GRXCR2: variants seen among roughly 807,000 people sequenced by gnomAD.
GRXCR2 encodes the protein glutaredoxin and cysteine rich domain containing 2.
Under a neutral mutation model 24.8 loss-of-function variants are expected in GRXCR2, and 23 were observed. The ratio of observed to expected loss-of-function variants is 0.93; its 90% CI spans 0.67 to 1.32. The LOEUF (loss-of-function observed/expected upper bound fraction) is 1.32. Among genes scored for constraint, GRXCR2 ranks in the 40% most tolerant of loss-of-function variants. GRXCR2 has a pLI of 0.00. For missense variants in GRXCR2, 315 were observed against 303.4 expected (o/e 1.04, Z -0.28); for synonymous variants, 130 against 116.1 (o/e 1.12, Z -0.77).
At chr5:145,869,488 G>A (rs1396732531) in intron 1 of GRXCR2, among the ~76,000 whole-genome samples, 1 of 151,846 alleles carries the variant, frequency 6.6e-6, no homozygotes, top group Non-Finnish European at 1.5e-5. Flanking sequence ...TTATTACAAT[G>A]GTGGGTAACA....
intron 1 of GRXCR2, among the ~76,000 whole-genome samples, chr5:145,870,617 C>T (rs745651100): frequency 4.6e-5 from 7 of 152,174 alleles, no homozygotes; most frequent in Non-Finnish European, 8.8e-5. Context: ...AATGTGGTCT[C>T]ATAGCCAATA....
intron 2 of GRXCR2, among the ~76,000 whole-genome samples, chr5:145,895,510 A>T (rs1404356283): frequency 6.6e-6 from 1 of 152,208 alleles, no homozygotes. Flanking sequence ...GAGCCAAATC[A>T]TGAGTGAACT....
chr5:145,923,871 A>G (rs1420175132), intron 2 of GRXCR2, among the ~76,000 whole-genome samples: 2 of 152,100 alleles, frequency 1.3e-5, no homozygotes. Context: ...AGTTAGTGCT[A>G]TTTATTCTCC....
chr5:145,894,686 C>A (rs963571823), intron 2 of GRXCR2, among the ~76,000 whole-genome samples: 1 of 152,120 alleles, frequency 6.6e-6, no homozygotes, highest in Non-Finnish European at 1.5e-5. Flanking sequence ...GGATTCACAG[C>A]CGAATTCTAC....
intron 2 of GRXCR2, among the ~76,000 whole-genome samples, chr5:145,927,942 A>AACTACCATCAG (rs1161760522): frequency 6.6e-6 from 1 of 152,216 alleles, no homozygotes; most frequent in African/African-American, 2.4e-5. Flanking sequence ...CAGCAAAAGA[A>AACTACCATCAG]ACTACCATCA....
chr5:145,910,278 C>A (rs1470379305), intron 2 of GRXCR2, among the ~76,000 whole-genome samples: 4 of 152,148 alleles, frequency 2.6e-5, no homozygotes. Flanking sequence ...ACGACAACCT[C>A]TGAAACACAT....
At chr5:145,890,945 T>C (rs536182173) in intron 2 of GRXCR2, among the ~76,000 whole-genome samples, 3 of 151,890 alleles carry the variant, frequency 2.0e-5, no homozygotes, top group African/African-American at 4.8e-5. Context: ...GCCACACAAA[T>C]AGAAATCAAG....
intron 2 of GRXCR2, among the ~76,000 whole-genome samples, chr5:145,893,772 A>C (rs1029909094): frequency 2.0e-5 from 3 of 152,236 alleles, no homozygotes; most frequent in Non-Finnish European, 1.5e-5. Flanking sequence ...TCAGCTCTGC[A>C]CCAAGCGGAC....
In GRXCR2 at chr5:145,862,577, T is replaced by C. The variant is rs533884912; in HGVS notation, c.565-2662A>G. On this transcript the variant is annotated intron_variant, in intron 2 of 2. Coordinates refer to ENST00000377976, the MANE Select transcript of GRXCR2 (RefSeq NM_001080516.2). ...GGATATAGAACATAGTTGCACAGCATAGCTTAGGTTCTAGAACCCAACAGA... is the reference window on the plus strand; with the variant it reads ...GGATATAGAACATAGTTGCACAGCACAGCTTAGGTTCTAGAACCCAACAGA... Among the ~76,000 whole-genome samples the C allele has an allele frequency of 4.6e-5, 7 of 152,308 alleles. No individual in the cohort carries two copies. In the East Asian group the frequency reaches 7.7e-4, roughly 17 times the overall value.
intron 2 of GRXCR2, among the ~76,000 whole-genome samples, chr5:145,898,972 T>C (rs1051317561): frequency 2.0e-5 from 3 of 152,100 alleles, no homozygotes; most frequent in African/African-American, 7.2e-5. Context: ...AGTCAAATTA[T>C]CTCTTTTTGT....
chr5:145,859,911 C>T lies in GRXCR2; in HGVS notation c.569G>A (p.Gly190Glu), dbSNP rs1248290049. 1 of 1,568,500 alleles carries T rather than the reference C, an allele frequency of 6.4e-7. No individual in the cohort carries two copies. Among genetic ancestry groups the T allele is most frequent in the Non-Finnish European group, 8.6e-7 (1 of 1,156,962 alleles). ...TLPQNRYTQE[G>E]DIPEDSCFHC... ...AAAACAGCTGTCCTCGGGAATATCC[C>T]CTTCCTGCAAGAGACAGGTTAGGGT... The change falls in exon 3 of 3, where the codon GGG becomes GAG. Residue 190 changes from glycine (G) to glutamate (E), a missense_variant. Gly to Glu is a moderately conservative substitution (Grantham distance 98). Coordinates refer to ENST00000377976, the MANE Select transcript of GRXCR2 (RefSeq NM_001080516.2).
chr5:145,883,574 CA>C (rs1193010692), intron 2 of GRXCR2, among the ~76,000 whole-genome samples: 1 of 151,986 alleles, frequency 6.6e-6, no homozygotes, highest in African/African-American at 2.4e-5. Flanking sequence ...TACCCAGCTG[CA>C]AAAAAATTCA....
intron 2 of GRXCR2, among the ~76,000 whole-genome samples, chr5:145,912,029 C>T (rs1249451052): frequency 2.0e-5 from 3 of 152,124 alleles, no homozygotes; most frequent in Non-Finnish European, 4.4e-5. Context: ...CCCAGGAGAT[C>T]GAAGCTGCAG....
At chr5:145,865,149 C>G (rs929102684) in intron 2 of GRXCR2, among the ~76,000 whole-genome samples, 3 of 152,154 alleles carry the variant, frequency 2.0e-5, no homozygotes, top group African/African-American at 7.2e-5. Context: ...AGAGACATCA[C>G]TCAAGTTCCA....
intron 2 of GRXCR2, among the ~76,000 whole-genome samples, chr5:145,930,272 A>G (rs994714137): frequency 2.6e-5 from 4 of 152,012 alleles, no homozygotes; most frequent in Non-Finnish European, 5.9e-5. Flanking sequence ...TTTAGTAGAG[A>G]TGAGGTTTTG....
intron 2 of GRXCR2, among the ~76,000 whole-genome samples, chr5:145,926,739 A>C (rs1168592351): frequency 6.6e-6 from 1 of 152,182 alleles, no homozygotes; most frequent in African/African-American, 2.4e-5. Context: ...ATGAACTTCA[A>C]AGTAGTTTTT....
chr5:145,864,094 A>T (rs1345068007), intron 2 of GRXCR2, among the ~76,000 whole-genome samples: 1 of 152,194 alleles, frequency 6.6e-6, no homozygotes, highest in Non-Finnish European at 1.5e-5. Context: ...GTGCCCTGAC[A>T]GGTCAATCCT....
At chr5:145,876,060 A>G (rs1469092202), upstream of GRXCR2, among the ~76,000 whole-genome samples, 2 of 151,516 alleles carry the variant, frequency 1.3e-5, no homozygotes, top group East Asian at 2.0e-4. Context: ...CCAGCTACTC[A>G]GGAGGCTGAG....
intron 2 of GRXCR2, among the ~76,000 whole-genome samples, chr5:145,916,446 T>C (rs1757239924): frequency 1.3e-5 from 2 of 152,122 alleles, no homozygotes; most frequent in Admixed American, 1.3e-4. Flanking sequence ...TGTTTTATTG[T>C]TCTGTTGCCC....
Sources: gnomAD v4.1 joint callset for allele counts (sites outside exome capture counted in the v4.1 genomes callset) on GRCh38, gnomAD v4.1.1 for gene constraint, MANE v1.5 for transcripts, NCBI Gene and HGNC (gene_info 2026-07-23, HGNC 2026-07-21) for gene names.